The following CDKAL1 variants were observed in gnomAD, a reference collection of about 807,000 sequenced individuals.
CDKAL1 encodes the protein threonylcarbamoyladenosine tRNA methylthiotransferase.
Under a neutral mutation model 68.2 loss-of-function variants are expected in CDKAL1, and 32 were observed. That is an observed-to-expected ratio of 0.47 (90% CI 0.35 to 0.63). CDKAL1 has a LOEUF of 0.63. CDKAL1 is among the 30% of genes least tolerant of loss of function. CDKAL1 has a pLI of 0.00. For synonymous variants in CDKAL1, 234 were observed against 244.3 expected, an observed-to-expected ratio of 0.96 and a Z score of 0.39; for missense variants, 606 against 696.7, an observed-to-expected ratio of 0.87 and a Z score of 1.47.
At chr6:20,583,188 A>G (rs571773671) in intron 4 of CDKAL1, among the ~76,000 whole-genome samples, 1 of 152,244 alleles carries the variant, frequency 6.6e-6, no homozygotes, top group South Asian at 2.1e-4. Flanking sequence ...TGTTCTATTC[A>G]CCACTGCATA....
chr6:20,789,187 C>G (rs536704026), intron 8 of CDKAL1, among the ~76,000 whole-genome samples: 4 of 152,320 alleles, frequency 2.6e-5, no homozygotes, highest in African/African-American at 9.6e-5. Context: ...TGTCCACAAA[C>G]CAGTTGTCCT....
chr6:20,607,415 T>C (rs1766380276), intron 4 of CDKAL1, among the ~76,000 whole-genome samples: 1 of 152,236 alleles, frequency 6.6e-6, no homozygotes. Context: ...TTTATATCAG[T>C]TGGCATCTGG....
chr6:21,132,116 C>T (rs1030248379), intron 13 of CDKAL1, among the ~76,000 whole-genome samples: 10 of 152,006 alleles, frequency 6.6e-5, no homozygotes, highest in East Asian at 3.8e-4. Flanking sequence ...TAGTTCATAT[C>T]GTTTAGCTCA....
chr6:21,038,695 G>T (rs1311246326), intron 11 of CDKAL1, among the ~76,000 whole-genome samples: 1 of 151,882 alleles, frequency 6.6e-6, no homozygotes, highest in Non-Finnish European at 1.5e-5. Context: ...TTTTTTTGGG[G>T]CTCATCAGCT....
chr6:20,576,762 G>A (rs1299550663), intron 4 of CDKAL1, among the ~76,000 whole-genome samples: 1 of 152,078 alleles, frequency 6.6e-6, no homozygotes, highest in Non-Finnish European at 1.5e-5. Context: ...CCTCCCACTT[G>A]ACTGTAGCCA....
intron 5 of CDKAL1, among the ~76,000 whole-genome samples, chr6:20,666,551 T>C (rs1769552785): frequency 6.6e-6 from 1 of 152,156 alleles, no homozygotes; most frequent in Non-Finnish European, 1.5e-5. Flanking sequence ...TAACAAATCT[T>C]ATGCCGTCTT....
At chr6:21,029,672 T>A (rs1403018112) in intron 11 of CDKAL1, among the ~76,000 whole-genome samples, 1 of 152,270 alleles carries the variant, frequency 6.6e-6, no homozygotes, top group African/African-American at 2.4e-5. Flanking sequence ...GCGAAGGATA[T>A]GAGCAGACAC....
At chr6:20,639,176 A>AT (rs1183435838) in intron 4 of CDKAL1, among the ~76,000 whole-genome samples, 3 of 152,204 alleles carry the variant, frequency 2.0e-5, no homozygotes, top group Non-Finnish European at 2.9e-5. Flanking sequence ...AAAAGAAAAA[A>AT]TCGTCTTTCA....
intron 12 of CDKAL1, among the ~76,000 whole-genome samples, chr6:21,102,407 C>T (rs1162618484): frequency 6.6e-6 from 1 of 152,180 alleles, no homozygotes; most frequent in East Asian, 1.9e-4. Flanking sequence ...GCGTCGTCCA[C>T]ATCCTTGGTA....
At chr6:20,732,642 A>G (rs546948117) in intron 5 of CDKAL1, among the ~76,000 whole-genome samples, 20 of 151,776 alleles carry the variant, frequency 1.3e-4, no homozygotes, top group Non-Finnish European at 2.5e-4. Context: ...CACTTGGTTC[A>G]CTTTGGAGCC....
intron 8 of CDKAL1, among the ~76,000 whole-genome samples, chr6:20,827,374 T>C (rs972663406): frequency 6.6e-6 from 1 of 152,206 alleles, no homozygotes; most frequent in African/African-American, 2.4e-5. Context: ...AAATGCTATG[T>C]ATGTTCTTAG....
At chr6:21,212,576 A>G (rs1396283615) in intron 15 of CDKAL1, among the ~76,000 whole-genome samples, 1 of 152,184 alleles carries the variant, frequency 6.6e-6, no homozygotes, top group East Asian at 1.9e-4. Context: ...TATGAGACTC[A>G]GAGTGTGGAT....
At chr6:20,965,571 A>T (rs1420858035) in intron 10 of CDKAL1, among the ~76,000 whole-genome samples, 2 of 152,218 alleles carry the variant, frequency 1.3e-5, no homozygotes, top group African/African-American at 4.8e-5. Flanking sequence ...TGAAAAACAT[A>T]AAAATTTACA....
intron 4 of CDKAL1, among the ~76,000 whole-genome samples, chr6:20,598,157 G>T (rs759502976): frequency 3.9e-4 from 59 of 152,214 alleles, no homozygotes; most frequent in Non-Finnish European, 7.2e-4. Flanking sequence ...GGGAGCCACG[G>T]AAAGCTGTAA....
chr6:21,113,562 G>T (rs900979019), intron 13 of CDKAL1, among the ~76,000 whole-genome samples: 1 of 151,962 alleles, frequency 6.6e-6, no homozygotes, highest in Non-Finnish European at 1.5e-5. Context: ...CAGAGCAGTG[G>T]CTTGATCTCA....
intron 9 of CDKAL1, among the ~76,000 whole-genome samples, chr6:20,869,673 A>G (rs1473204897): frequency 2.0e-5 from 3 of 152,196 alleles, no homozygotes; most frequent in Non-Finnish European, 4.4e-5. Context: ...AAACTTGCCA[A>G]ATTAATTTTA....
chr6:20,828,568 A>G (rs745695924), intron 8 of CDKAL1, among the ~76,000 whole-genome samples: 42 of 152,134 alleles, frequency 2.8e-4, no homozygotes, highest in Non-Finnish European at 6.0e-4. Context: ...ATAGGTATTT[A>G]TAGCTTGGGT....
intron 8 of CDKAL1, among the ~76,000 whole-genome samples, chr6:20,822,568 C>T (rs1334490619): frequency 6.6e-6 from 1 of 152,136 alleles, no homozygotes; most frequent in Non-Finnish European, 1.5e-5. Flanking sequence ...TGTGTCCTCA[C>T]CCAAATCTCA....
At chr6:21,033,026 G>A (rs60165883) in intron 11 of CDKAL1, among the ~76,000 whole-genome samples, 6,398 of 152,240 alleles carry the variant, frequency 0.042, 233 homozygotes, top group East Asian at 0.18. Context: ...GAGGTGAGGG[G>A]ATCCCCAACA....
Sources: gnomAD v4.1 joint callset for allele counts (sites outside exome capture counted in the v4.1 genomes callset) on GRCh38, gnomAD v4.1.1 for gene constraint, MANE v1.5 for transcripts, NCBI Gene and HGNC (gene_info 2026-07-23, HGNC 2026-07-21) for gene names.